Variants in GRM3 observed in about 807,000 individuals in gnomAD.
The protein encoded by GRM3 is metabotropic glutamate receptor 3.
In GRM3, 26 loss-of-function variants were observed where a neutral mutation model predicts 70.5. That is an observed-to-expected ratio of 0.37 (90% CI 0.27 to 0.51). The LOEUF (loss-of-function observed/expected upper bound fraction) is 0.51. GRM3 is among the 20% of genes least tolerant of loss of function. The pLI is 0.93. For synonymous variants in GRM3, 443 were observed against 434.9 expected, an observed-to-expected ratio of 1.02 and a Z score of -0.23; for missense variants, 859 against 1,123.8, an observed-to-expected ratio of 0.76 and a Z score of 3.37.
rs768513860 is a variant in GRM3 at position 86,731,314 on chromosome 7, CTT to C, written c.-140-33690_-140-33689del. Among the ~76,000 whole-genome samples, 6 of 152,262 alleles carry C rather than the reference CTT, an allele frequency of 3.9e-5. No homozygotes were observed. The East Asian group carries it at 9.7e-4, about 24-fold the overall frequency. On this transcript the variant is annotated intron_variant, in intron 1 of 5. Coordinates refer to ENST00000361669, the MANE Select transcript of GRM3 (RefSeq NM_000840.3). ...CCTGGGTTTAAATCCTAGGAATCAT[CTT>C]TGATTTTTCTCTCTCCTTAGTCATT...
intron 1 of GRM3, among the ~76,000 whole-genome samples, chr7:86,654,318 C>T (rs369661791): frequency 6.6e-6 from 1 of 152,134 alleles, no homozygotes; most frequent in Non-Finnish European, 1.5e-5. Context: ...CAGAGCACAC[C>T]CCCACTCTCC....
intron 5 of GRM3, 60 bp downstream of exon 5, chr7:86,850,604 G>C: frequency 9.0e-7 from 1 of 1,116,728 alleles, no homozygotes; most frequent in Non-Finnish European, 1.4e-6. Flanking sequence ...GGACCAGCCT[G>C]CCAAGAACAG....
At chr7:86,792,795 G>A (rs1308748367) in intron 3 of GRM3, among the ~76,000 whole-genome samples, 3 of 152,100 alleles carry the variant, frequency 2.0e-5, no homozygotes, top group African/African-American at 4.8e-5. Flanking sequence ...TTTTTGTTCT[G>A]CTTTGGTTTG....
At chr7:86,661,701 A>G (rs769883502) in intron 1 of GRM3, among the ~76,000 whole-genome samples, 4 of 151,974 alleles carry the variant, frequency 2.6e-5, no homozygotes, top group Non-Finnish European at 5.9e-5. Context: ...AGATGGGACC[A>G]ATTCAATTTT....
chr7:86,785,262 T>G (rs1322030597), intron 2 of GRM3, among the ~76,000 whole-genome samples: 1 of 152,214 alleles, frequency 6.6e-6, no homozygotes, highest in Admixed American at 6.5e-5. Context: ...AAATTATTTT[T>G]AAAAGCTAAT....
intron 3 of GRM3, among the ~76,000 whole-genome samples, chr7:86,827,269 A>G (rs919984688): frequency 6.6e-6 from 1 of 152,198 alleles, no homozygotes; most frequent in Non-Finnish European, 1.5e-5. Flanking sequence ...ATAGGTAAAG[A>G]TTTCTTAAAC....
intron 2 of GRM3, among the ~76,000 whole-genome samples, chr7:86,780,279 A>C (rs910725114): frequency 7.2e-5 from 11 of 152,200 alleles, no homozygotes; most frequent in Admixed American, 1.3e-4. Context: ...CTAGTTCTAG[A>C]TCCCTGTATG....
chr7:86,728,361 A>C (rs948165891), intron 1 of GRM3, among the ~76,000 whole-genome samples: 1 of 152,214 alleles, frequency 6.6e-6, no homozygotes, highest in African/African-American at 2.4e-5. Context: ...AAAAACATTA[A>C]GGAAAGTCAG....
chr7:86,863,215 A>G (rs1228433965), intron 5 of GRM3, among the ~76,000 whole-genome samples: 1 of 152,152 alleles, frequency 6.6e-6, no homozygotes, highest in East Asian at 1.9e-4. Flanking sequence ...AATATATATA[A>G]CTTATCTGTA....
chr7:86,804,599 C>T (rs1963789), intron 3 of GRM3, among the ~76,000 whole-genome samples: 8,129 of 152,058 alleles, frequency 0.053, 693 homozygotes, highest in African/African-American at 0.18. Context: ...TTAATAGAGA[C>T]GGGGTTTCAC....
chr7:86,763,342 T>G (rs979445275), intron 1 of GRM3, among the ~76,000 whole-genome samples: 1 of 152,124 alleles, frequency 6.6e-6, no homozygotes, highest in African/African-American at 2.4e-5. Context: ...CAGTCAGATC[T>G]CTCACTTGAC....
At chr7:86,797,193 G>A (rs1176610185) in intron 3 of GRM3, among the ~76,000 whole-genome samples, 1 of 152,212 alleles carries the variant, frequency 6.6e-6, no homozygotes, top group African/African-American at 2.4e-5. Flanking sequence ...TTTGGAACTG[G>A]GTAACAGGCA....
At chr7:86,729,552 C>A (rs1795675997) in intron 1 of GRM3, among the ~76,000 whole-genome samples, 1 of 152,110 alleles carries the variant, frequency 6.6e-6, no homozygotes, top group African/African-American at 2.4e-5. Context: ...TACCATTTTT[C>A]ATTAGCAATA....
intron 3 of GRM3, among the ~76,000 whole-genome samples, chr7:86,808,895 T>C (rs1298580451): frequency 6.6e-6 from 1 of 151,918 alleles, no homozygotes; most frequent in East Asian, 1.9e-4. Context: ...AGAAATAAGG[T>C]CAGAGAAGTG....
At chr7:86,838,047 T>C (rs1798491715) in intron 3 of GRM3, among the ~76,000 whole-genome samples, 1 of 152,132 alleles carries the variant, frequency 6.6e-6, no homozygotes, top group African/African-American at 2.4e-5. Flanking sequence ...TCTTAGGGAC[T>C]TGCAGAATCC....
chr7:86,717,944 T>TA (rs1795359710), intron 1 of GRM3, among the ~76,000 whole-genome samples: 1 of 67,156 alleles, frequency 1.5e-5, no homozygotes, highest in Admixed American at 1.6e-4. Flanking sequence ...AGTATCAGCT[T>TA]TAAAAAAAAA....
chr7:86,790,606 C>T (rs1456715735), intron 3 of GRM3, among the ~76,000 whole-genome samples: 1 of 152,074 alleles, frequency 6.6e-6, no homozygotes, highest in African/African-American at 2.4e-5. Context: ...TCCTGCACAC[C>T]ACCCTCCCTG....
intron 3 of GRM3, among the ~76,000 whole-genome samples, chr7:86,831,344 T>A (rs1011393854): frequency 6.6e-6 from 1 of 152,016 alleles, no homozygotes; most frequent in African/African-American, 2.4e-5. Flanking sequence ...TCAATGAAAA[T>A]TTTTACAAAT....
intron 3 of GRM3, among the ~76,000 whole-genome samples, chr7:86,801,314 C>T (rs1179744766): frequency 1.3e-5 from 2 of 152,044 alleles, no homozygotes; most frequent in African/African-American, 4.8e-5. Flanking sequence ...CATGATCTGC[C>T]CACCTCAGCC....
Sources: allele counts gnomAD v4.1 joint callset (sites outside exome capture counted in the v4.1 genomes callset), GRCh38; gene constraint gnomAD v4.1.1; transcripts MANE v1.5; gene names NCBI Gene and HGNC (gene_info 2026-07-23, HGNC 2026-07-21).